The following MCPH1 variants were observed in gnomAD, a reference collection of about 807,000 sequenced individuals.
MCPH1 encodes microcephalin 1, also known as microcephalin.
In MCPH1, 104 loss-of-function variants were observed where a neutral mutation model predicts 84.5. That is an observed-to-expected ratio of 1.23 (90% confidence interval 1.05 to 1.45). The LOEUF is 1.45. MCPH1 is among the 40% of genes most tolerant of loss of function. MCPH1 has a pLI of 0.00. For synonymous variants in MCPH1, 514 were observed against 366.8 expected (o/e 1.40, Z -4.58); for missense variants, 1,498 against 1,005.7 (o/e 1.49, Z -6.62).
intron 9 of MCPH1, among the ~76,000 whole-genome samples, chr8:6,469,302 T>C (rs1426297844): frequency 6.6e-6 from 1 of 152,262 alleles, no homozygotes; most frequent in African/African-American, 2.4e-5. Context: ...TTTAATGCTA[T>C]AGCTTATTAT....
rs982823504 is a variant in MCPH1 at position 6,643,817 on chromosome 8, G to C, written c.*768G>C. ...ATGGGGGGTGTTATACAGGATAATT[G>C]GTGACATCTGAGTGTCTTACTTCTG... On this transcript the variant is annotated 3_prime_UTR_variant, in exon 14 of 14. Coordinates refer to ENST00000344683, the MANE Select transcript of MCPH1 (RefSeq NM_024596.5). The C allele has an allele frequency of 6.6e-6, 1 of 152,204 alleles. No homozygotes were observed. Among genetic ancestry groups the C allele is most frequent in the African/African-American group, 2.4e-5 (1 of 41,438 alleles). 9.4% of individuals were successfully genotyped at this position (152,204 alleles called of 1,614,324 possible).
chr8:6,562,225 T>C (rs1038881600), intron 12 of MCPH1, among the ~76,000 whole-genome samples: 2 of 152,222 alleles, frequency 1.3e-5, no homozygotes, highest in African/African-American at 4.8e-5. Context: ...TCACGGTCTC[T>C]CTGGCTCACG....
At chr8:6,528,026 G>T (rs1182460594) in intron 12 of MCPH1, among the ~76,000 whole-genome samples, 2 of 151,798 alleles carry the variant, frequency 1.3e-5, no homozygotes, top group African/African-American at 4.8e-5. Flanking sequence ...CTCCCCAGTA[G>T]CTGGGATTAC....
chr8:6,438,424 G>T (rs917875042), intron 5 of MCPH1, among the ~76,000 whole-genome samples: 4 of 152,076 alleles, frequency 2.6e-5, no homozygotes, highest in Admixed American at 6.5e-5. Context: ...ATGCAAGGTA[G>T]CATTCCAGAA....
At chr8:6,502,476 G>T (rs1812381835) in intron 12 of MCPH1, 1 of 152,162 alleles carries the variant, frequency 6.6e-6, no homozygotes, top group African/African-American at 2.4e-5. Flanking sequence ...TTATAACTAA[G>T]CTGTCAACAT....
chr8:6,513,859 G>T, intron 12 of MCPH1: 1 of 1,590,048 alleles, frequency 6.3e-7, no homozygotes. Context: ...AATGCAAGTT[G>T]TTAAATTCAA....
chr8:6,643,161 T>G lies in MCPH1; in HGVS notation c.*112T>G. The G allele has an allele frequency of 1.1e-6, 1 of 892,380 alleles. No homozygotes were observed. The highest frequency in any genetic ancestry group is 1.4e-5 in the South Asian group (1 of 71,546). 55.3% of individuals were successfully genotyped at this position (892,380 alleles called of 1,614,324 possible). The stretch of plus-strand genomic sequence containing the variant: ...AGGAACTGGCGTATACAAGATGACT[T>G]CTGATATCATGTTTGCCATGTGTTG... On this transcript the variant is annotated 3_prime_UTR_variant, in exon 14 of 14. Coordinates refer to ENST00000344683, the MANE Select transcript of MCPH1 (RefSeq NM_024596.5).
rs972475984 is a variant in MCPH1, at chr8:6,477,453, T to C, written c.1936-141T>C. ...CCTGTTTTTTCCAGGAATATAAAGG[T>C]TTTTTTTCTTTGACATATGCTTAAA... is the stretch of plus-strand genomic sequence containing the variant. On this transcript the variant is annotated intron_variant, in intron 9 of 13. Transcript: ENST00000344683. 7 of 710,528 alleles carry C rather than the reference T, an allele frequency of 9.9e-6. No homozygotes were observed. In the East Asian group the frequency reaches 1.6e-4, roughly 16 times the overall value. The allele number at this position is 710,528 out of a possible 1,614,324, so 44.0% of individuals were successfully genotyped here.
intron 12 of MCPH1, among the ~76,000 whole-genome samples, chr8:6,575,427 A>T (rs971272023): frequency 6.6e-6 from 1 of 152,226 alleles, no homozygotes. Context: ...TCTCTGGATT[A>T]TGGCTCTAGA....
rs71525747 is a variant in MCPH1, at chr8:6,634,032, C to T, written c.2453-8962C>T. Among the ~76,000 whole-genome samples, 9 of 152,056 alleles carry T rather than the reference C, an allele frequency of 5.9e-5. No homozygotes were observed. In the South Asian group the frequency reaches 1.0e-3, roughly 18 times the overall value. ...CATGACCTGAAGAAACAGAAGGATA[C>T]GCTTTTGAAGTTCTATGCTGAATGT... On this transcript the variant is annotated intron_variant, in intron 13 of 13. Transcript: ENST00000344683.
chr8:6,442,824 C>T (rs1803719719), intron 7 of MCPH1, among the ~76,000 whole-genome samples: 1 of 152,188 alleles, frequency 6.6e-6, no homozygotes, highest in Non-Finnish European at 1.5e-5. Context: ...GAAAATTTAT[C>T]ATGAAAGCCA....
At chr8:6,635,481 G>A (rs915398292) in intron 13 of MCPH1, 1 of 152,164 alleles carries the variant, frequency 6.6e-6, no homozygotes, top group African/African-American at 2.4e-5. Context: ...TATAGTCCCA[G>A]CTGTGTGGGA....
At chr8:6,465,208 C>G (rs1806727667) in intron 9 of MCPH1, among the ~76,000 whole-genome samples, 1 of 152,148 alleles carries the variant, frequency 6.6e-6, no homozygotes, top group South Asian at 2.1e-4. Flanking sequence ...TATTCGGAAA[C>G]TCAATAGCTT....
chr8:6,545,189 G>A (rs1165521247), intron 12 of MCPH1, among the ~76,000 whole-genome samples: 2 of 152,110 alleles, frequency 1.3e-5, no homozygotes, highest in Admixed American at 1.3e-4. Context: ...AGGGGTTTGA[G>A]GCTGTGAACT....
chr8:6,571,917 T>C (rs1826688979), intron 12 of MCPH1, among the ~76,000 whole-genome samples: 1 of 152,210 alleles, frequency 6.6e-6, no homozygotes, highest in Non-Finnish European at 1.5e-5. Context: ...TCTTGTCCCC[T>C]CATGAATCTT....
At chr8:6,607,826 G>T (rs2042307556) in intron 12 of MCPH1, among the ~76,000 whole-genome samples, 1 of 152,218 alleles carries the variant, frequency 6.6e-6, no homozygotes, top group South Asian at 2.1e-4. Context: ...GTGGAACTGT[G>T]AGACCATTAA....
intron 12 of MCPH1, among the ~76,000 whole-genome samples, chr8:6,506,344 A>G (rs1813725023): frequency 6.6e-6 from 1 of 151,884 alleles, no homozygotes; most frequent in African/African-American, 2.4e-5. Context: ...CACAGGCAAG[A>G]CCACTCCACT....
At chr8:6,575,267 G>C (rs1826976271) in intron 12 of MCPH1, among the ~76,000 whole-genome samples, 1 of 152,192 alleles carries the variant, frequency 6.6e-6, no homozygotes, top group African/African-American at 2.4e-5. Flanking sequence ...ATATGAAACA[G>C]GTGAAGAAGA....
chr8:6,529,623 A>AT (rs35322987), intron 12 of MCPH1, among the ~76,000 whole-genome samples: 34,426 of 120,874 alleles, frequency 0.28, 5,183 homozygotes, highest in Middle Eastern at 0.36. Context: ...CGCCTGGCTA[A>AT]TTTTTTTTTT....
Sources: gnomAD v4.1 joint callset for allele counts (sites outside exome capture counted in the v4.1 genomes callset) on GRCh38, gnomAD v4.1.1 for gene constraint, MANE v1.5 for transcripts, NCBI Gene and HGNC (gene_info 2026-07-23, HGNC 2026-07-21) for gene names.